TDRD3: variants seen among roughly 807,000 people sequenced by gnomAD.
TDRD3 encodes tudor domain-containing protein 3.
In TDRD3, 45 loss-of-function variants were observed where a neutral mutation model predicts 86.7. The observed-to-expected ratio is 0.52, with a 90% confidence interval of 0.41 to 0.67. TDRD3 has a LOEUF of 0.67. Among genes scored for constraint, TDRD3 ranks in the 30% least tolerant of loss-of-function variants. The probability of loss-of-function intolerance (pLI) is 0.00; values close to 1 mark genes in which losing one functional copy is unlikely to be tolerated. For synonymous variants in TDRD3, 298 were observed against 301.7 expected, an observed-to-expected ratio of 0.99 and a Z score of 0.13; for missense variants, 814 against 889.0, an observed-to-expected ratio of 0.92 and a Z score of 1.07.
chr13:60,542,637 T>A (rs955149414), intron 12 of TDRD3, among the ~76,000 whole-genome samples: 3 of 152,212 alleles, frequency 2.0e-5, no homozygotes, highest in Non-Finnish European at 4.4e-5. Context: ...AAAAGTGGAC[T>A]TATGATACAT....
Position 60,535,237 on chromosome 13 carries a change from C to T in TDRD3, c.2118+4C>T, listed in dbSNP as rs1263037763. ...GCCCATTCAAACAGAGGCATGGGTA[C>T]GTGATACATATTCTGTACAAAGGCA... On this transcript the variant is annotated splice_donor_region_variant and intron_variant, in intron 12 of 13. Coordinates refer to ENST00000377881, the MANE Select transcript of TDRD3 (RefSeq NM_001146070.2). 5.0e-6 allele frequency: 8 copies of T among 1,611,738 alleles called. No individual in the cohort carries two copies. The highest frequency in any genetic ancestry group is 1.3e-5 in the African/African-American group (1 of 74,686).
intron 1 of TDRD3, among the ~76,000 whole-genome samples, chr13:60,412,518 A>AT: frequency 6.6e-6 from 1 of 152,290 alleles, no homozygotes; most frequent in Admixed American, 6.5e-5. Flanking sequence ...ATAAAAAGGG[A>AT]TTACAAGCCT....
intron 1 of TDRD3, among the ~76,000 whole-genome samples, chr13:60,425,788 A>G (rs988011469): frequency 2.0e-5 from 3 of 152,058 alleles, no homozygotes; most frequent in African/African-American, 7.2e-5. Context: ...CCTACTCAAC[A>G]TGAAGACAAT....
intron 5 of TDRD3, among the ~76,000 whole-genome samples, chr13:60,478,801 C>CTTTT (rs202146264): frequency 8.6e-5 from 9 of 104,432 alleles, no homozygotes; most frequent in African/African-American, 2.2e-4. Flanking sequence ...AATTTGAGGA[C>CTTTT]TTTTTTTTTT....
At chr13:60,472,858 G>A (rs1323877643) in intron 5 of TDRD3, among the ~76,000 whole-genome samples, 2 of 152,158 alleles carry the variant, frequency 1.3e-5, no homozygotes, top group African/African-American at 2.4e-5. Context: ...TCCACGGACT[G>A]GGGGAGGAGA....
At chr13:60,465,457 G>A (rs1955897907) in intron 4 of TDRD3, among the ~76,000 whole-genome samples, 2 of 152,116 alleles carry the variant, frequency 1.3e-5, no homozygotes, top group Admixed American at 1.3e-4. Flanking sequence ...GTTAGGTTAG[G>A]TAAGGCTGTT....
intron 10 of TDRD3, among the ~76,000 whole-genome samples, chr13:60,528,133 T>C (rs1838448845): frequency 6.6e-6 from 1 of 152,200 alleles, no homozygotes. Context: ...ATCATTTTTC[T>C]GTGGTCCCTT....
At chr13:60,540,807 T>G (rs980527386) in intron 12 of TDRD3, among the ~76,000 whole-genome samples, 1 of 152,192 alleles carries the variant, frequency 6.6e-6, no homozygotes, top group African/African-American at 2.4e-5. Context: ...CTGGGTATTC[T>G]GAGTTTTCCT....
chr13:60,416,243 G>C (rs1954510923), intron 1 of TDRD3, among the ~76,000 whole-genome samples: 1 of 152,110 alleles, frequency 6.6e-6, no homozygotes, highest in African/African-American at 2.4e-5. Context: ...GGAAGATGTG[G>C]AAGTACTCAT....
At position 60,551,982 on chromosome 13, in the gene TDRD3, G is replaced by A. The variant is rs182243724; in HGVS notation, c.2119-15543G>A. On this transcript the variant is annotated intron_variant, in intron 12 of 13. Coordinates refer to ENST00000377881, the MANE Select transcript of TDRD3 (RefSeq NM_001146070.2). Reference sequence around the variant, plus strand: ...CTCTCCCTCGACATGTGGGGATTACGATTTGAGATGAGATTTGAGTGGGGA... The same window carrying A: ...CTCTCCCTCGACATGTGGGGATTACAATTTGAGATGAGATTTGAGTGGGGA... Among the ~76,000 whole-genome samples, 265 of 152,280 alleles carry A rather than the reference G, an allele frequency of 1.7e-3. 2 individuals carry two copies. Among genetic ancestry groups the A allele is most frequent in the African/African-American group, 5.3e-3 (220 of 41,564 alleles).
rs1957508924 is a variant in TDRD3 at position 60,528,713 on chromosome 13, T to A, written c.1488T>A (p.Phe496Leu). Residue 496 changes from phenylalanine to leucine, a missense_variant, in exon 11 of 14, where the codon TTT (phenylalanine) becomes TTA (leucine). Phe to Leu is a conservative substitution (Grantham distance 22). Transcript: ENST00000377881. Reference sequence around the variant, plus strand: ...GTTCTCAGCATAGTGATGGTGCTTTTAAAAAAAGAGATAACTCTATGCAAA... The same window carrying A: ...GTTCTCAGCATAGTGATGGTGCTTTAAAAAAAAGAGATAACTCTATGCAAA... ...PLGSQHSDGAFKKRDNSMQSR... is the reference protein window; with the variant it reads ...PLGSQHSDGALKKRDNSMQSR... The A allele has an allele frequency of 6.2e-7, 1 of 1,610,466 alleles. No individual in the cohort carries two copies. Among genetic ancestry groups the A allele is most frequent in the Admixed American group, 1.7e-5 (1 of 59,238 alleles).
At chr13:60,551,097 GC>G in intron 12 of TDRD3, among the ~76,000 whole-genome samples, 1 of 152,112 alleles carries the variant, frequency 6.6e-6, no homozygotes. Context: ...GAGATGGAAA[GC>G]CTTTCCTTTT....
At chr13:60,553,362 A>G (rs897603888) in intron 12 of TDRD3, among the ~76,000 whole-genome samples, 9 of 152,076 alleles carry the variant, frequency 5.9e-5, no homozygotes, top group African/African-American at 1.9e-4. Flanking sequence ...AAACTTTCCC[A>G]CATCTTCCTG....
intron 13 of TDRD3, among the ~76,000 whole-genome samples, chr13:60,568,602 C>G (rs1958516481): frequency 2.0e-5 from 3 of 152,108 alleles, no homozygotes; most frequent in Admixed American, 2.0e-4. Flanking sequence ...CTTAGCTTTG[C>G]CATATATGAC....
At chr13:60,510,499 A>T in intron 9 of TDRD3, 131 bp from the exon 10 acceptor site, 2 of 969,056 alleles carry the variant, frequency 2.1e-6, no homozygotes, top group Non-Finnish European at 2.7e-6. Context: ...TACTTAAAAG[A>T]TGTAGACTAT....
In TDRD3 at chr13:60,501,076, G is replaced by A. The variant is rs568558410; in HGVS notation, c.858+6501G>A. Among the ~76,000 whole-genome samples, 14 of 152,292 alleles carry A rather than the reference G, an allele frequency of 9.2e-5. No individual in the cohort carries two copies. The East Asian group carries it at 1.2e-3, about 13-fold the overall frequency. On this transcript the variant is annotated intron_variant, in intron 8 of 13. Transcript: ENST00000377881. ...TGATCAGCCAGCTACCTGTTGGCAC[G>A]TTGATTATATTGCACATTTTCCATC...
chr13:60,535,974 T>C (rs1485576143), intron 12 of TDRD3: 1 of 152,148 alleles, frequency 6.6e-6, no homozygotes, highest in Admixed American at 6.5e-5. Context: ...GAGTAGCTGT[T>C]AATAAATTTA....
intron 3 of TDRD3, among the ~76,000 whole-genome samples, chr13:60,452,548 C>CA (rs1284931981): frequency 6.6e-6 from 1 of 152,014 alleles, no homozygotes; most frequent in Non-Finnish European, 1.5e-5. Flanking sequence ...TGAATGGAAT[C>CA]ACATGATATA....
rs759591514 is a variant in TDRD3 at position 60,528,704 on chromosome 13, T to G, written c.1479T>G (p.Asp493Glu). ...TSYPLGSQHS[D>E]GAFKKRDNSM... ...ATCCTTTAGGTTCTCAGCATAGTGA[T>G]GGTGCTTTTAAAAAAAGAGATAACT... The change falls in exon 11 of 14, where the codon GAT becomes GAG. Residue 493 changes from aspartate (D) to glutamate (E), a missense_variant. Transcript: ENST00000377881. The G allele has an allele frequency of 1.9e-6, 3 of 1,611,946 alleles. No individual in the cohort carries two copies. The highest frequency in any genetic ancestry group is 2.5e-6 in the Non-Finnish European group (3 of 1,179,410).
Sources: allele counts gnomAD v4.1 joint callset (sites outside exome capture counted in the v4.1 genomes callset), GRCh38; gene constraint gnomAD v4.1.1; transcripts MANE v1.5; gene names NCBI Gene and HGNC (gene_info 2026-07-23, HGNC 2026-07-21).